DNAH14: variants seen among roughly 807,000 people sequenced by gnomAD.
The protein encoded by DNAH14 is dynein axonemal heavy chain 14, also known as axonemal beta dynein heavy chain 14.
DNAH14 carries 478 observed loss-of-function variants against 520.9 expected under a neutral mutation model. The observed-to-expected ratio is 0.92, with a 90% CI of 0.85 to 0.99. The LOEUF is 0.99. DNAH14 is among the 50% of genes least tolerant of loss of function. The probability of loss-of-function intolerance (pLI) is 0.00; values close to 1 mark genes in which losing one functional copy is unlikely to be tolerated. For missense variants in DNAH14, 4,831 were observed against 5,234.5 expected, an observed-to-expected ratio of 0.92 and a Z score of 2.38; for synonymous variants, 1,581 against 1,757.2, an observed-to-expected ratio of 0.90 and a Z score of 2.51.
intron 8 of DNAH14, among the ~76,000 whole-genome samples, chr1:224,986,181 G>A (rs750008417): frequency 2.0e-4 from 30 of 152,068 alleles, no homozygotes; most frequent in Non-Finnish European, 3.4e-4. Context: ...GGCTTCTTCT[G>A]AATTTTGCAA....
chr1:225,386,875 T>G (rs2095847235), intron 81 of DNAH14, among the ~76,000 whole-genome samples: 1 of 152,232 alleles, frequency 6.6e-6, no homozygotes, highest in South Asian at 2.1e-4. Flanking sequence ...AGCCATCCCA[T>G]TACTGGGCAT....
chr1:224,947,442 A>T (rs2125455793), intron 1 of DNAH14, among the ~76,000 whole-genome samples: 1 of 152,288 alleles, frequency 6.6e-6, no homozygotes, highest in African/African-American at 2.4e-5. Context: ...AAACAAAAAA[A>T]CTGTTGAGAT....
At chr1:225,080,888 A>G (rs1352109923) in intron 19 of DNAH14, 140 bp downstream of exon 19, 2 of 856,954 alleles carry the variant, frequency 2.3e-6, no homozygotes, top group Non-Finnish European at 3.3e-6. Context: ...ACAGGAGTAT[A>G]GGTAGGAATT....
intron 1 of DNAH14, among the ~76,000 whole-genome samples, chr1:224,937,318 C>CA (rs1170736703): frequency 6.6e-6 from 1 of 151,528 alleles, no homozygotes. Flanking sequence ...AGGGCGCTAC[C>CA]AAAAAAACTG....
chr1:225,350,110 T>C (rs2095345313), intron 71 of DNAH14, among the ~76,000 whole-genome samples: 1 of 152,150 alleles, frequency 6.6e-6, no homozygotes, highest in Non-Finnish European at 1.5e-5. Flanking sequence ...CACAGTGGAA[T>C]GATACTAGAA....
chr1:224,966,886 T>C (rs190149666), intron 5 of DNAH14, among the ~76,000 whole-genome samples: 3 of 152,120 alleles, frequency 2.0e-5, no homozygotes, highest in Non-Finnish European at 4.4e-5. Flanking sequence ...TTTAATGAAG[T>C]TGAAAATATT....
At chr1:225,043,167 T>C (rs1460856791) in intron 13 of DNAH14, 53 bp downstream of exon 13, 3 of 1,488,250 alleles carry the variant, frequency 2.0e-6, no homozygotes, top group East Asian at 5.0e-5. Flanking sequence ...TGGTGGCTCA[T>C]GCCTGCAATC....
intron 21 of DNAH14, among the ~76,000 whole-genome samples, chr1:225,096,802 A>G (rs1443197553): frequency 6.6e-6 from 1 of 152,186 alleles, no homozygotes; most frequent in Non-Finnish European, 1.5e-5. Context: ...TTCCTCTGTG[A>G]TAAGAAGTAG....
intron 43 of DNAH14, among the ~76,000 whole-genome samples, chr1:225,241,551 T>G (rs2091967532): frequency 6.6e-6 from 1 of 152,120 alleles, no homozygotes; most frequent in African/African-American, 2.4e-5. Context: ...TTTCATGGTG[T>G]GAATGTCAAA....
At position 225,310,591 on chromosome 1, in the gene DNAH14, C is replaced by A. The variant is rs374491472; in HGVS notation, c.9240+2181C>A. Reference sequence around the variant, plus strand: ...TTATGCATTTCTCCTAATGTTATCTCTCCCCTAGACCCTCACCCCCCGACA... The same window carrying A: ...TTATGCATTTCTCCTAATGTTATCTATCCCCTAGACCCTCACCCCCCGACA... On this transcript the variant is annotated intron_variant, in intron 60 of 85. Transcript: ENST00000682510. 3.1e-4 allele frequency among the ~76,000 whole-genome samples: 47 copies of A among 152,274 alleles called. No individual in the cohort carries two copies. The East Asian group carries it at 8.1e-3, about 26-fold the overall frequency.
At chr1:224,955,148 T>C (rs769626088) in intron 3 of DNAH14, 50 bp downstream of exon 3, 1 of 1,568,324 alleles carries the variant, frequency 6.4e-7, no homozygotes, top group South Asian at 1.2e-5. Context: ...TTTTAGTTTA[T>C]GGAAATTGAA....
intron 69 of DNAH14, among the ~76,000 whole-genome samples, chr1:225,342,764 T>G (rs1361468418): frequency 6.6e-6 from 1 of 151,844 alleles, no homozygotes; most frequent in African/African-American, 2.4e-5. Flanking sequence ...TCTGCACATA[T>G]GTATAGAGAG....
chr1:225,354,272 A>C (rs533108147), intron 73 of DNAH14: 2 of 701,746 alleles, frequency 2.9e-6, no homozygotes, highest in East Asian at 2.7e-5. Context: ...TGCTTGTGAC[A>C]GGTAAGTCTG....
At chr1:225,008,661 G>A (rs1459121745) in intron 10 of DNAH14, among the ~76,000 whole-genome samples, 14 of 141,556 alleles carry the variant, frequency 9.9e-5, no homozygotes, top group Non-Finnish European at 1.5e-4. Context: ...TCCTGACCTC[G>A]TGATTCACCC....
In DNAH14 at chr1:225,237,872, A is replaced by T. The variant is rs187445038; in HGVS notation, c.6519-2721A>T. 1.0e-3 allele frequency among the ~76,000 whole-genome samples: 152 copies of T among 152,292 alleles called. 1 individual carries two copies. The highest frequency in any genetic ancestry group is 3.6e-3 in the African/African-American group (148 of 41,554). ...TCTTATTTCAGAAAGATAGTCTTCA[A>T]GCTCTGAGATTCTCTCCTCCACTTG... On this transcript the variant is annotated intron_variant, in intron 42 of 85. Transcript: ENST00000682510.
chr1:225,124,284 A>C (rs1248970072), intron 27 of DNAH14, among the ~76,000 whole-genome samples: 2 of 152,118 alleles, frequency 1.3e-5, no homozygotes, highest in Non-Finnish European at 2.9e-5. Flanking sequence ...ATAACAATGA[A>C]GTTTGCCACA....
intron 1 of DNAH14, among the ~76,000 whole-genome samples, chr1:224,937,988 G>T (rs1157400352): frequency 6.6e-6 from 1 of 152,036 alleles, no homozygotes; most frequent in African/African-American, 2.4e-5. Flanking sequence ...AGGAAAGCTG[G>T]ATAACTCTAT....
Position 225,192,927 on chromosome 1 carries a change from A to G in DNAH14, c.5886+16A>G. On this transcript the variant is annotated intron_variant, in intron 38 of 85. Coordinates refer to ENST00000682510, the MANE Select transcript of DNAH14 (RefSeq NM_001367479.1). ...TTTATCCAATGTAAGTTTAGTATTG[A>G]ATGAATGTTTTTATTTAACTAATGT... The G allele has an allele frequency of 4.6e-6, 7 of 1,519,640 alleles. No homozygotes were observed. Among genetic ancestry groups the G allele is most frequent in the Non-Finnish European group, 6.2e-6 (7 of 1,122,354 alleles). The allele number at this position is 1,519,640 out of a possible 1,614,324, so 94.1% of individuals were successfully genotyped here.
intron 21 of DNAH14, among the ~76,000 whole-genome samples, chr1:225,089,469 AGC>A (rs200276559): frequency 0.013 from 1,848 of 137,618 alleles, 71 homozygotes; most frequent in African/African-American, 0.05. Flanking sequence ...AAAAAAAGAG[AGC>A]GAGAGAAAGA....
Sources: allele counts gnomAD v4.1 joint callset (sites outside exome capture counted in the v4.1 genomes callset), GRCh38; gene constraint gnomAD v4.1.1; transcripts MANE v1.5; gene names NCBI Gene and HGNC (gene_info 2026-07-23, HGNC 2026-07-21).